DCAF4: variants seen among roughly 807,000 people sequenced by gnomAD.
DCAF4 encodes DDB1 and CUL4 associated factor 4.
A neutral mutation model predicts 60.9 loss-of-function variants in DCAF4; 37 were observed. That is an observed-to-expected ratio of 0.61 (90% CI 0.47 to 0.80). The LOEUF (loss-of-function observed/expected upper bound fraction) is 0.80, where lower values mean the gene tolerates loss of function less well. Ranked by LOEUF, DCAF4 falls within the 30% of genes least tolerant of loss-of-function variation. DCAF4 has a pLI of 0.00. For synonymous variants in DCAF4, 243 were observed against 254.8 expected (o/e 0.95, Z 0.44); for missense variants, 577 against 650.0 (o/e 0.89, Z 1.22).
chr14:72,938,117 G>C (rs2302586), intron 2 of DCAF4, 47 bp downstream of exon 2: 325,630 of 1,556,052 alleles, frequency 0.21, 38,316 homozygotes, highest in East Asian at 0.46. Context: ...TGTGCTTCTG[G>C]CATTGTACAC....
chr14:72,949,503 C>T (rs1254555015), intron 8 of DCAF4, among the ~76,000 whole-genome samples: 1 of 151,552 alleles, frequency 6.6e-6, no homozygotes, highest in African/African-American at 2.4e-5. Flanking sequence ...TCCCATAATC[C>T]CAGCACTTTG....
At chr14:72,956,028 T>C (rs1892248060) in intron 12 of DCAF4, among the ~76,000 whole-genome samples, 2 of 149,504 alleles carry the variant, frequency 1.3e-5, no homozygotes, top group South Asian at 4.2e-4. Flanking sequence ...GTTCAAGCGA[T>C]TCTCCTGCCT....
chr14:72,931,621 CTT>C (rs1340837228), intron 1 of DCAF4, among the ~76,000 whole-genome samples: 1 of 152,162 alleles, frequency 6.6e-6, no homozygotes, highest in African/African-American at 2.4e-5. Flanking sequence ...AGAGGGAAAA[CTT>C]TGTCTTTGGC....
At chr14:72,943,390 C>T (rs1302901136) in intron 6 of DCAF4, among the ~76,000 whole-genome samples, 16 of 152,124 alleles carry the variant, frequency 1.1e-4, no homozygotes, top group Non-Finnish European at 2.2e-4. Context: ...AATAACTTCT[C>T]CTTGGCTGTG....
intron 1 of DCAF4, among the ~76,000 whole-genome samples, chr14:72,932,874 ATTTT>A (rs1004185518): frequency 6.9e-6 from 1 of 144,760 alleles, no homozygotes. Flanking sequence ...CAGCTGAATA[ATTTT>A]TTTTTCTTTC....
At chr14:72,956,639 G>A in intron 13 of DCAF4, 139 bp downstream of exon 13, 1 of 733,134 alleles carries the variant, frequency 1.4e-6, no homozygotes, top group Admixed American at 2.3e-5. Flanking sequence ...TGGGTGGGGA[G>A]ACTAGGAGGG....
chr14:72,932,605 A>G (rs943879727), intron 1 of DCAF4, among the ~76,000 whole-genome samples: 2 of 152,242 alleles, frequency 1.3e-5, no homozygotes, highest in African/African-American at 4.8e-5. Flanking sequence ...ACCTTCTGCA[A>G]CACACCTGAT....
At position 72,959,217 on chromosome 14, in the gene DCAF4, G is replaced by A; in HGVS notation, c.*412G>A. The A allele has an allele frequency of 1.0e-6, 1 of 991,020 alleles. No individual in the cohort carries two copies. Among genetic ancestry groups the A allele is most frequent in the Non-Finnish European group, 1.2e-6 (1 of 833,584 alleles). The allele number at this position is 991,020 out of a possible 1,614,324, so 61.4% of individuals were successfully genotyped here. On this transcript the variant is annotated 3_prime_UTR_variant, in exon 14 of 14. Coordinates refer to ENST00000358377, the MANE Select transcript of DCAF4 (RefSeq NM_015604.4). ...TGAGTCCTCGGTGCCTGGGTAGCAG[G>A]AAGAAAGACCTGCATCCTGCATCTG...
At chr14:72,947,101 T>C (rs1481204245) in intron 7 of DCAF4, 41 bp from the exon 8 acceptor site, 1 of 1,613,416 alleles carries the variant, frequency 6.2e-7, no homozygotes, top group Non-Finnish European at 8.5e-7. Flanking sequence ...AGCATATTAC[T>C]GTAGAATAAC....
intron 1 of DCAF4, among the ~76,000 whole-genome samples, chr14:72,929,453 A>G (rs1482140261): frequency 6.6e-6 from 1 of 152,156 alleles, no homozygotes; most frequent in Non-Finnish European, 1.5e-5. Flanking sequence ...TGTCATCCCA[A>G]CGCTGCGCCA....
At chr14:72,953,451 T>G (rs1229395941) in intron 9 of DCAF4, among the ~76,000 whole-genome samples, 1 of 151,846 alleles carries the variant, frequency 6.6e-6, no homozygotes, top group African/African-American at 2.4e-5. Context: ...GGCTCATGCC[T>G]GTAATCTCAA....
At chr14:72,941,152 G>C (rs961594115) in intron 4 of DCAF4, among the ~76,000 whole-genome samples, 1 of 151,932 alleles carries the variant, frequency 6.6e-6, no homozygotes, top group Non-Finnish European at 1.5e-5. Context: ...TTTTTATAGA[G>C]ATGGAGTTTC....
rs947661842 is a variant in DCAF4, at chr14:72,959,662, C to G, written c.*857C>G. On this transcript the variant is annotated 3_prime_UTR_variant, in exon 14 of 14. Transcript: ENST00000358377. ...AAGAGAAGAATCATGGTGTGACATGCACTTCTGTGAATGACTTAGGAGATC... is the reference window on the plus strand; with the variant it reads ...AAGAGAAGAATCATGGTGTGACATGGACTTCTGTGAATGACTTAGGAGATC... 11 of 985,314 alleles carry G rather than the reference C, an allele frequency of 1.1e-5. No homozygotes were observed. The highest frequency in any genetic ancestry group is 1.2e-5 in the Non-Finnish European group (10 of 829,822). 61.0% of individuals were successfully genotyped at this position (985,314 alleles called of 1,614,324 possible).
At chr14:72,960,369 C>T (rs1477989539), downstream of DCAF4, among the ~76,000 whole-genome samples, 1 of 152,084 alleles carries the variant, frequency 6.6e-6, no homozygotes, top group East Asian at 1.9e-4. Flanking sequence ...AGGCTGGCCT[C>T]AAACTCCTGA....
At chr14:72,951,456 A>G (rs1250000445) in intron 8 of DCAF4, among the ~76,000 whole-genome samples, 1 of 152,154 alleles carries the variant, frequency 6.6e-6, no homozygotes, top group Non-Finnish European at 1.5e-5. Context: ...TACTAAAAAT[A>G]CAAAATTACC....
intron 3 of DCAF4, 149 bp from the exon 4 acceptor site, chr14:72,940,071 A>AGTCC: frequency 8.2e-7 from 1 of 1,226,396 alleles, no homozygotes. Context: ...GACTGAGCAC[A>AGTCC]GTCCAGGATG....
intron 1 of DCAF4, among the ~76,000 whole-genome samples, chr14:72,929,033 C>G (rs1269053805): frequency 6.6e-6 from 1 of 152,202 alleles, no homozygotes; most frequent in East Asian, 1.9e-4. Flanking sequence ...CACTTGGCTC[C>G]GGGGCTGGTC....
At chr14:72,935,358 G>A (rs1214408644) in intron 1 of DCAF4, among the ~76,000 whole-genome samples, 2 of 151,750 alleles carry the variant, frequency 1.3e-5, no homozygotes, top group Non-Finnish European at 1.5e-5. Context: ...GGGTTCAAAC[G>A]ATTCTCCTGC....
At chr14:72,941,152 G>T (rs961594115) in intron 4 of DCAF4, among the ~76,000 whole-genome samples, 2 of 151,932 alleles carry the variant, frequency 1.3e-5, no homozygotes, top group African/African-American at 2.4e-5. Flanking sequence ...TTTTTATAGA[G>T]ATGGAGTTTC....
Sources: gnomAD v4.1 joint callset for allele counts (sites outside exome capture counted in the v4.1 genomes callset) on GRCh38, gnomAD v4.1.1 for gene constraint, MANE v1.5 for transcripts, NCBI Gene and HGNC (gene_info 2026-07-23, HGNC 2026-07-21) for gene names.